Variants in FRYL observed in about 807,000 individuals in gnomAD.
The protein encoded by FRYL is protein furry homolog-like.
Under a neutral mutation model 351.2 loss-of-function variants are expected in FRYL, and 150 were observed. The observed-to-expected ratio is 0.43, with a 90% CI of 0.37 to 0.49. The LOEUF is 0.49. Among genes scored for constraint, FRYL ranks in the 20% least tolerant of loss-of-function variants. The pLI, the probability that FRYL is intolerant of heterozygous loss-of-function variation, is 0.00. For synonymous variants in FRYL, 1,153 were observed against 1,257.1 expected (o/e 0.92, Z 1.75); for missense variants, 3,036 against 3,619.3 (o/e 0.84, Z 4.13).
intron 4 of FRYL, among the ~76,000 whole-genome samples, chr4:48,630,518 T>A (rs1041524985): frequency 6.6e-6 from 1 of 152,162 alleles, no homozygotes; most frequent in African/African-American, 2.4e-5. Flanking sequence ...TCTAAAAGAT[T>A]AACAGATAAA....
Position 48,634,362 on chromosome 4 carries a change from T to C in FRYL, c.49A>G (p.Ile17Val), listed in dbSNP as rs368970061. ...GCAAATTCTGCAAAGAGGCTCTTGATGACATATTCACCAGGTTTGACATCT... is the reference window on the plus strand; with the variant it reads ...GCAAATTCTGCAAAGAGGCTCTTGACGACATATTCACCAGGTTTGACATCT... The part of the protein sequence containing the change: ...DPDVKPGEYV[I>V]KSLFAEFAVQ... The change falls in exon 4 of 64, where the codon ATC (isoleucine) becomes GTC (valine). Residue 17 changes from isoleucine (I) to valine (V), a missense_variant. Coordinates refer to ENST00000358350, the MANE Select transcript of FRYL (RefSeq NM_015030.2). 59 of 1,613,602 alleles carry C rather than the reference T, an allele frequency of 3.7e-5. No homozygotes were observed. The highest frequency in any genetic ancestry group is 4.7e-5 in the Non-Finnish European group (56 of 1,179,696).
intron 13 of FRYL, among the ~76,000 whole-genome samples, chr4:48,597,927 T>A (rs920515900): frequency 2.6e-5 from 4 of 152,206 alleles, no homozygotes; most frequent in African/African-American, 9.6e-5. Context: ...TAAATTTATC[T>A]GAGCTTTAAA....
At chr4:48,614,705 G>C (rs1410647203) in intron 7 of FRYL, among the ~76,000 whole-genome samples, 3 of 102,394 alleles carry the variant, frequency 2.9e-5, no homozygotes, top group Admixed American at 2.6e-4. Flanking sequence ...CTGGGCAACA[G>C]AGTGAGACTC....
In FRYL at chr4:48,499,634, C is replaced by G. The variant is rs1719098080; in HGVS notation, c.8830G>C (p.Val2944Leu). Residue 2944 changes from valine (V) to leucine (L), a missense_variant, in exon 64 of 64, where the codon GTA (valine) becomes CTA (leucine). Val to Leu is a conservative substitution (Grantham distance 32). This residue lies in a region of FRYL where 1,987 missense variants were observed against 2,311.7 expected (regional missense o/e 0.86). Transcript: ENST00000358350. Reference protein sequence around the residue: ...DIFGSCEDDPVQTLLHIYFHH... With the variant: ...DIFGSCEDDPLQTLLHIYFHH... ...AAATATATATGTAACAGTGTCTGTACAGGGTCATCTTCACAACTGCCAAAG... is the reference window on the plus strand; with the variant it reads ...AAATATATATGTAACAGTGTCTGTAGAGGGTCATCTTCACAACTGCCAAAG... The G allele has an allele frequency of 6.2e-7, 1 of 1,613,918 alleles. No homozygotes were observed. The highest frequency in any genetic ancestry group is 1.1e-5 in the South Asian group (1 of 91,074).
At chr4:48,540,236 C>T (rs1729867021) in intron 46 of FRYL, 117 bp downstream of exon 46, 13 of 1,248,842 alleles carry the variant, frequency 1.0e-5, no homozygotes, top group South Asian at 6.3e-5. Context: ...AGCTACCTAG[C>T]GTATAAAAAC....
intron 1 of FRYL, among the ~76,000 whole-genome samples, chr4:48,775,351 G>A (rs757921039): frequency 1.3e-5 from 2 of 152,236 alleles, no homozygotes; most frequent in Non-Finnish European, 1.5e-5. Context: ...ACTTGTGACA[G>A]ATACAAACTT....
rs879512102 is a variant in FRYL, at chr4:48,643,948, AT to A, written c.-80-9459del. 4.7e-3 allele frequency among the ~76,000 whole-genome samples: 689 copies of A among 147,622 alleles called. 8 individuals carry two copies. The highest frequency in any genetic ancestry group is 0.015 in the African/African-American group (600 of 40,600). The stretch of plus-strand genomic sequence containing the variant: ...ATTAATTAGCACAGCTCCAACTAAA[AT>A]TTTTTTTTTTTGACATGGAGTTGCG... On this transcript the variant is annotated intron_variant, in intron 3 of 63. Transcript: ENST00000358350.
intron 2 of FRYL, among the ~76,000 whole-genome samples, chr4:48,702,781 A>G (rs13128340): frequency 2.1e-5 from 2 of 97,242 alleles, no homozygotes; most frequent in East Asian, 3.2e-4. Flanking sequence ...AAAAAAGAAA[A>G]AGAAAGAAAA....
chr4:48,721,676 G>T lies in FRYL; in HGVS notation c.-383-10978C>A, dbSNP rs546123423. On this transcript the variant is annotated intron_variant, in intron 1 of 63. Coordinates refer to ENST00000358350, the MANE Select transcript of FRYL (RefSeq NM_015030.2). ...TACACTTGAGATGGAGTCTCACTCT[G>T]TCGCCCAGGCTGGAGTGCTGTGGCG... 6.1e-4 allele frequency among the ~76,000 whole-genome samples: 93 copies of T among 152,218 alleles called. 2 individuals carry two copies. In the South Asian group the frequency reaches 0.018, roughly 30 times the overall value.
rs71191256 is a variant in FRYL at position 48,742,973 on chromosome 4, A to ATTTTTTTTTTTTTTTTTTTTTTT, written c.-383-32298_-383-32276dup. Among the ~76,000 whole-genome samples the ATTTTTTTTTTTTTTTTTTTTTTT allele has an allele frequency of 2.4e-5, 2 of 81,746 alleles. 1 individual carries two copies. Among genetic ancestry groups the ATTTTTTTTTTTTTTTTTTTTTTT allele is most frequent in the Non-Finnish European group, 4.7e-5 (2 of 42,866 alleles). 53.6% of individuals were successfully genotyped at this position (81,746 alleles called of 152,430 possible). On this transcript the variant is annotated intron_variant, in intron 1 of 63. Transcript: ENST00000358350. ...AGGTGTGCGCCACCACGCCTGGATA[A>ATTTTTTTTTTTTTTTTTTTTTTT]TTTTTTTTTTTTTTTTTTTTTTTTT...
intron 3 of FRYL, among the ~76,000 whole-genome samples, chr4:48,660,580 G>T (rs527656821): frequency 6.1e-4 from 93 of 152,306 alleles, no homozygotes; most frequent in Non-Finnish European, 7.4e-4. Flanking sequence ...AGCTTCCAGG[G>T]TTGGCACCAT....
chr4:48,634,594 G>T, intron 3 of FRYL, 104 bp from the exon 4 acceptor site: 1 of 731,630 alleles, frequency 1.4e-6, no homozygotes, highest in Non-Finnish European at 2.2e-6. Flanking sequence ...CCCTCAACCA[G>T]TTCTCCCAAT....
intron 36 of FRYL, 110 bp from the exon 37 acceptor site, chr4:48,551,688 AGTCATTT>A: frequency 1.5e-6 from 1 of 677,412 alleles, no homozygotes; most frequent in Admixed American, 2.8e-5. Flanking sequence ...ATGAGAGCAA[AGTCATTT>A]AAAAAAAGGA....
chr4:48,606,557 G>A lies in FRYL; in HGVS notation c.622C>T (p.Gln208Ter). The change falls in exon 10 of 64, where the codon CAA becomes TAA. Residue 208 changes from glutamine to a stop codon, truncating the protein, a stop_gained. Coordinates refer to ENST00000358350, the MANE Select transcript of FRYL (RefSeq NM_015030.2). LOFTEE classifies it high-confidence loss of function. ...KFVTELKELR[Q>*]KEQSPHVVQS... ...ACCACATGTGGGCTTTGTTCCTTTT[G>A]TCGCAGTTCTTTTAATTCTGTCACA... 1 of 1,612,514 alleles carries A rather than the reference G, an allele frequency of 6.2e-7. No homozygotes were observed. The highest frequency in any genetic ancestry group is 8.5e-7 in the Non-Finnish European group (1 of 1,178,974).
chr4:48,604,009 A>G (rs190911106), intron 11 of FRYL, among the ~76,000 whole-genome samples: 117 of 151,472 alleles, frequency 7.7e-4, no homozygotes, highest in Non-Finnish European at 1.4e-3. Flanking sequence ...CAACTCCCTC[A>G]CCCCTTTGGC....
chr4:48,545,396 AGAACCTGCTACG>A (rs1410463607), intron 42 of FRYL, among the ~76,000 whole-genome samples: 1 of 152,164 alleles, frequency 6.6e-6, no homozygotes, highest in African/African-American at 2.4e-5. Flanking sequence ...AAGTGCCCTG[AGAACCTGCTACG>A]CACTGCTTCT....
chr4:48,528,092 A>C (rs1230782563), intron 51 of FRYL, 47 bp from the exon 52 acceptor site: 1 of 1,558,468 alleles, frequency 6.4e-7, no homozygotes, highest in Non-Finnish European at 8.7e-7. Flanking sequence ...TGATAAAATA[A>C]GACAAATTCT....
At chr4:48,572,306 C>A (rs987093801) in intron 26 of FRYL, among the ~76,000 whole-genome samples, 1 of 152,196 alleles carries the variant, frequency 6.6e-6, no homozygotes, top group African/African-American at 2.4e-5. Context: ...CTCTCAGATG[C>A]CACAGGCACA....
At chr4:48,557,378 T>A in intron 34 of FRYL, 75 bp downstream of exon 34, 1 of 1,550,108 alleles carries the variant, frequency 6.5e-7, no homozygotes. Flanking sequence ...TTATGGAACC[T>A]CTTCATCTGT....
Sources: gnomAD v4.1 joint callset for allele counts (sites outside exome capture counted in the v4.1 genomes callset) on GRCh38, gnomAD v4.1.1 for gene constraint, gnomAD v4.1.1 regional missense constraint, MANE v1.5 for transcripts, NCBI Gene and HGNC (gene_info 2026-07-23, HGNC 2026-07-21) for gene names.